VEPH1: variants seen among roughly 807,000 people sequenced by gnomAD.
The protein encoded by VEPH1 is ventricular zone-expressed PH domain-containing protein homolog 1.
Under a neutral mutation model 85.2 loss-of-function variants are expected in VEPH1, and 80 were observed. That is an observed-to-expected ratio of 0.94 (90% CI 0.78 to 1.13). The LOEUF (loss-of-function observed/expected upper bound fraction) is 1.13. Among genes scored for constraint, VEPH1 ranks in the 50% most tolerant of loss-of-function variants. The probability of loss-of-function intolerance (pLI) is 0.00; values close to 1 mark genes in which losing one functional copy is unlikely to be tolerated. For missense variants in VEPH1, 955 were observed against 980.5 expected (o/e 0.97, Z 0.35); for synonymous variants, 297 against 348.0 (o/e 0.85, Z 1.63).
intron 4 of VEPH1, chr3:157,442,808 A>T: frequency 6.2e-7 from 1 of 1,614,190 alleles, no homozygotes; most frequent in East Asian, 2.2e-5. Context: ...GCTTTGATGA[A>T]ACATTAGCCT....
rs575049147 is a variant in VEPH1, at chr3:157,428,310, T to C, written c.696+12A>G. On this transcript the variant is annotated intron_variant, in intron 5 of 13. Coordinates refer to ENST00000362010, the MANE Select transcript of VEPH1 (RefSeq NM_001167912.2). The stretch of plus-strand genomic sequence containing the variant: ...GTTGTGTGCACCATGACATATACAA[T>C]GTACTTTTTACCTCGAGTTGTTTTT... The C allele has an allele frequency of 1.2e-6, 2 of 1,613,966 alleles. No homozygotes were observed. The highest frequency in any genetic ancestry group is 1.7e-6 in the Non-Finnish European group (2 of 1,179,872).
chr3:157,352,339 C>T (rs1724955327), intron 9 of VEPH1, among the ~76,000 whole-genome samples: 1 of 152,022 alleles, frequency 6.6e-6, no homozygotes, highest in Non-Finnish European at 1.5e-5. Context: ...ATTCTTTTTG[C>T]TTTATTATAT....
At chr3:157,392,828 G>A (rs1729994900) in intron 6 of VEPH1, among the ~76,000 whole-genome samples, 1 of 152,072 alleles carries the variant, frequency 6.6e-6, no homozygotes, top group Non-Finnish European at 1.5e-5. Flanking sequence ...ACAGTTCGGC[G>A]GCAGATACTT....
At chr3:157,283,591 G>C (rs1052890487) in intron 12 of VEPH1, among the ~76,000 whole-genome samples, 1 of 152,200 alleles carries the variant, frequency 6.6e-6, no homozygotes, top group Non-Finnish European at 1.5e-5. Context: ...CTTACTTGAA[G>C]ACAGGAATGT....
At chr3:157,390,593 C>G (rs1271293089) in intron 6 of VEPH1, among the ~76,000 whole-genome samples, 3 of 152,106 alleles carry the variant, frequency 2.0e-5, no homozygotes, top group African/African-American at 7.2e-5. Context: ...TTGGAAATAG[C>G]AAGATAGTAC....
At chr3:157,465,133 G>A (rs11928417) in intron 3 of VEPH1, among the ~76,000 whole-genome samples, 5,786 of 152,222 alleles carry the variant, frequency 0.038, 363 homozygotes, top group African/African-American at 0.13. Context: ...GGAGAGAAAT[G>A]TAGCTGCTGT....
chr3:157,343,521 T>G (rs1365507317), intron 9 of VEPH1, among the ~76,000 whole-genome samples: 1 of 152,106 alleles, frequency 6.6e-6, no homozygotes, highest in African/African-American at 2.4e-5. Context: ...GCTCTGAAAT[T>G]GAGGCAATAA....
intron 11 of VEPH1, among the ~76,000 whole-genome samples, chr3:157,312,903 T>TA (rs1720268708): frequency 1.6e-5 from 2 of 122,348 alleles, no homozygotes; most frequent in African/African-American, 6.4e-5. Context: ...AAAAAACATT[T>TA]TTTTTTTTTT....
chr3:157,396,793 GT>G (rs1255808150), intron 6 of VEPH1, among the ~76,000 whole-genome samples: 8 of 149,996 alleles, frequency 5.3e-5, no homozygotes, highest in East Asian at 2.0e-4. Flanking sequence ...TGGGTTGTTT[GT>G]TTTTTTTTCT....
rs751255288 is a variant in VEPH1, at chr3:157,313,674, C to G, written c.1957G>C (p.Gly653Arg). The G allele has an allele frequency of 6.2e-7, 1 of 1,613,992 alleles. No individual in the cohort carries two copies. Among genetic ancestry groups the G allele is most frequent in the African/African-American group, 1.3e-5 (1 of 74,908 alleles). The change falls in exon 11 of 14, where the codon GGT becomes CGT. Residue 653 changes from glycine (G) to arginine (R), a missense_variant. Gly to Arg is a moderately radical substitution (Grantham distance 125). Coordinates refer to ENST00000362010, the MANE Select transcript of VEPH1 (RefSeq NM_001167912.2). ...ATGGCAGTTTCAAAGCTGTGAGCAC[C>G]CCCTGCCTGGGTCTTCTCCCACAGA... The part of the protein sequence containing the change: ...RALWEKTQAG[G>R]AHSFETAMME...
chr3:157,441,624 A>C (rs1027405843), intron 4 of VEPH1, among the ~76,000 whole-genome samples: 1 of 152,026 alleles, frequency 6.6e-6, no homozygotes, highest in Non-Finnish European at 1.5e-5. Flanking sequence ...CCTGGCCAAC[A>C]TGGTGAAACC....
chr3:157,354,959 A>G (rs1022896696), intron 9 of VEPH1, among the ~76,000 whole-genome samples: 1 of 152,156 alleles, frequency 6.6e-6, no homozygotes, highest in African/African-American at 2.4e-5. Flanking sequence ...CCCTGCCTAC[A>G]TTGAACTATC....
intron 11 of VEPH1, among the ~76,000 whole-genome samples, chr3:157,303,120 A>G (rs1379576883): frequency 6.6e-6 from 1 of 152,224 alleles, no homozygotes; most frequent in Non-Finnish European, 1.5e-5. Context: ...AGAATGCTCT[A>G]ATACACCAAA....
Position 157,479,520 on chromosome 3 carries a change from A to C in VEPH1, c.139-8991T>G, listed in dbSNP as rs114270261. On this transcript the variant is annotated intron_variant, in intron 2 of 13. Coordinates refer to ENST00000362010, the MANE Select transcript of VEPH1 (RefSeq NM_001167912.2). ...ATGGCCCACTGGCAAAAGGGAGGGA[A>C]TACCTCAGATAAAGCAGTTGGTGGT... 9.1e-3 allele frequency among the ~76,000 whole-genome samples: 1,387 copies of C among 152,266 alleles called. 18 individuals are homozygous for C. The highest frequency in any genetic ancestry group is 0.031 in the African/African-American group (1,304 of 41,552).
chr3:157,267,067 GTTTTC>G lies in VEPH1; in HGVS notation c.2129-1410_2129-1406del, dbSNP rs199561298. Among the ~76,000 whole-genome samples the G allele has an allele frequency of 9.2e-3, 1,352 of 146,986 alleles. 29 individuals are homozygous for G. Among genetic ancestry groups the G allele is most frequent in the African/African-American group, 0.029 (1,166 of 40,218 alleles). On this transcript the variant is annotated intron_variant, in intron 12 of 13. Transcript: ENST00000362010. ...CAGGATAAAAATAATAAAATGTATA[GTTTTC>G]TTTTCTTTTCTTTTCTTTTTCTTTT... is the stretch of plus-strand genomic sequence containing the variant.
chr3:157,418,362 AT>A (rs1410303195), intron 5 of VEPH1, among the ~76,000 whole-genome samples: 1 of 152,190 alleles, frequency 6.6e-6, no homozygotes, highest in African/African-American at 2.4e-5. Context: ...ATTGATGGAT[AT>A]ATCTTCCAGA....
At chr3:157,484,471 T>C (rs1250308834) in intron 2 of VEPH1, among the ~76,000 whole-genome samples, 1 of 152,148 alleles carries the variant, frequency 6.6e-6, no homozygotes, top group Non-Finnish European at 1.5e-5. Context: ...TTGCTGAAGA[T>C]ACTTTTAAAA....
At chr3:157,362,051 G>A (rs1726108703) in intron 9 of VEPH1, among the ~76,000 whole-genome samples, 1 of 151,580 alleles carries the variant, frequency 6.6e-6, no homozygotes, top group African/African-American at 2.4e-5. Flanking sequence ...TGGGTGGGGG[G>A]ACAGAGTCCC....
chr3:157,442,500 A>G, intron 4 of VEPH1: 2 of 1,614,178 alleles, frequency 1.2e-6, no homozygotes, highest in Non-Finnish European at 1.7e-6. Flanking sequence ...AAACAAAACC[A>G]TCCTGTTTTC....
Sources: allele counts gnomAD v4.1 joint callset (sites outside exome capture counted in the v4.1 genomes callset), GRCh38; gene constraint gnomAD v4.1.1; transcripts MANE v1.5; gene names NCBI Gene and HGNC (gene_info 2026-07-23, HGNC 2026-07-21).